The following UGT1A7 variants were observed in gnomAD, a reference collection of about 807,000 sequenced individuals.
The protein encoded by UGT1A7 is UDP-glucuronosyltransferase 1A7.
Under a neutral mutation model 45.6 loss-of-function variants are expected in UGT1A7, and 33 were observed. That is an observed-to-expected ratio of 0.72 (90% CI 0.55 to 0.97). The LOEUF is 0.97. Ranked by LOEUF, UGT1A7 falls within the 50% of genes least tolerant of loss-of-function variation. The pLI is 0.00. For missense variants in UGT1A7, 684 were observed against 666.2 expected (o/e 1.03, Z -0.29); for synonymous variants, 274 against 250.6 (o/e 1.09, Z -0.88).
At position 233,743,563 on chromosome 2, in the gene UGT1A7, C is replaced by T. The variant is rs546286371; in HGVS notation, c.856-23471C>T. 46 of 1,367,298 alleles carry T rather than the reference C, an allele frequency of 3.4e-5. 1 individual carries two copies. Among genetic ancestry groups the T allele is most frequent in the Admixed American group, 5.7e-5 (3 of 52,582 alleles). 84.7% of individuals were successfully genotyped at this position (1,367,298 alleles called of 1,614,324 possible). A position where few individuals can be genotyped will look rare whatever the true frequency, so the allele number is the denominator to read the frequency against. On this transcript the variant is annotated intron_variant, in intron 1 of 4. Transcript: ENST00000373426. The stretch of plus-strand genomic sequence containing the variant: ...CTGACCCCCCCAAAATATTCTCCAG[C>T]GGGTTTCCCAAGAGGTCAAAGGAGA...
intron 1 of UGT1A7, 116 bp from the exon 2 acceptor site, chr2:233,766,918 A>G: frequency 1.3e-6 from 2 of 1,548,282 alleles, no homozygotes; most frequent in Non-Finnish European, 1.7e-6. Flanking sequence ...TCTATCTCAA[A>G]CACGCATGCC....
intron 1 of UGT1A7, among the ~76,000 whole-genome samples, chr2:233,722,564 C>G (rs2077023248): frequency 6.6e-6 from 1 of 152,184 alleles, no homozygotes; most frequent in Non-Finnish European, 1.5e-5. Flanking sequence ...TGATTTGTAG[C>G]TGCTTTTGCA....
intron 1 of UGT1A7, among the ~76,000 whole-genome samples, chr2:233,749,397 T>C (rs756585861): frequency 1.2e-4 from 18 of 151,970 alleles, no homozygotes; most frequent in Admixed American, 2.0e-4. Context: ...TGTGAACATA[T>C]TCTCTAGTGT....
intron 1 of UGT1A7, among the ~76,000 whole-genome samples, chr2:233,751,262 C>A (rs1474286955): frequency 1.3e-5 from 2 of 151,906 alleles, no homozygotes; most frequent in Non-Finnish European, 2.9e-5. Flanking sequence ...GCCTGTAGCC[C>A]CCTTTTTTTG....
At chr2:233,765,900 A>G (rs1255156851) in intron 1 of UGT1A7, among the ~76,000 whole-genome samples, 1 of 152,060 alleles carries the variant, frequency 6.6e-6, no homozygotes, top group Non-Finnish European at 1.5e-5. Flanking sequence ...GCCACTGCTC[A>G]AACCTCTAGG....
chr2:233,743,667 C>G (rs201017854), intron 1 of UGT1A7: 4 of 1,367,108 alleles, frequency 2.9e-6, no homozygotes, highest in African/African-American at 1.5e-5. Context: ...AAGGGGTCCT[C>G]GAAGGGCCTG....
At position 233,760,169 on chromosome 2, in the gene UGT1A7, T is replaced by C. The variant is rs928164877; in HGVS notation, c.856-6865T>C. 1.4e-5 allele frequency: 21 copies of C among 1,529,168 alleles called. No homozygotes were observed. In the African/African-American group the frequency reaches 2.9e-4, roughly 21 times the overall value. 94.7% of individuals were successfully genotyped at this position (1,529,168 alleles called of 1,614,324 possible). A position where few individuals can be genotyped will look rare whatever the true frequency, so the allele number is the denominator to read the frequency against. On this transcript the variant is annotated intron_variant, in intron 1 of 4. Coordinates refer to ENST00000373426, the MANE Select transcript of UGT1A7 (RefSeq NM_019077.3). ...TGAACTCCCTGCTACCTTTGTGGACTGACAGCTTTTTATAGTCACGTGACA... is the reference window on the plus strand; with the variant it reads ...TGAACTCCCTGCTACCTTTGTGGACCGACAGCTTTTTATAGTCACGTGACA...
Position 233,682,428 on chromosome 2 carries a change from C to T in UGT1A7, c.491C>T (p.Pro164Leu), listed in dbSNP as rs2074578708. The T allele has an allele frequency of 1.2e-6, 2 of 1,613,738 alleles. No homozygotes were observed. The highest frequency in any genetic ancestry group is 1.3e-5 in the African/African-American group (1 of 74,866). ...ATTGTTGCCAAATATTTCTCCCTCC[C>T]CTCTGTGGTCTTCGCCAGGGGAATA... Reference protein sequence around the residue: ...GLIVAKYFSLPSVVFARGIFC... With the variant: ...GLIVAKYFSLLSVVFARGIFC... Residue 164 changes from proline to leucine, a missense_variant, in exon 1 of 5, where the codon CCC becomes CTC. Pro to Leu is a moderately conservative substitution (Grantham distance 98, BLOSUM62 -3). Coordinates refer to ENST00000373426, the MANE Select transcript of UGT1A7 (RefSeq NM_019077.3).
At position 233,769,650 on chromosome 2, in the gene UGT1A7, C is replaced by T. The variant is rs895944755; in HGVS notation, c.1295+1211C>T. The T allele has an allele frequency of 1.9e-6, 3 of 1,606,450 alleles. No homozygotes were observed. The South Asian group carries it at 3.3e-5, about 18-fold the overall frequency. The stretch of plus-strand genomic sequence containing the variant: ...ACAACAGGGGAGGACTGATGACTGA[C>T]TTCCCACCTTTGAGGTGCTAATGTG... On this transcript the variant is annotated intron_variant, in intron 4 of 4. Transcript: ENST00000373426. The surrounding 1 kb of genome is among the most constrained non-coding windows in gnomAD (Gnocchi z 4.4).
At chr2:233,725,402 C>T (rs1244153836) in intron 1 of UGT1A7, among the ~76,000 whole-genome samples, 1 of 151,460 alleles carries the variant, frequency 6.6e-6, no homozygotes, top group Non-Finnish European at 1.5e-5. Context: ...CCTTGATGGT[C>T]TAATACAGAA....
intron 3 of UGT1A7, 45 bp downstream of exon 3, chr2:233,767,981 T>G: frequency 6.2e-7 from 1 of 1,614,178 alleles, no homozygotes; most frequent in Non-Finnish European, 8.5e-7. Flanking sequence ...AGGGTCAAAT[T>G]AAGAAAATGG....
chr2:233,731,227 AT>A (rs2078124721), intron 1 of UGT1A7, among the ~76,000 whole-genome samples: 1 of 151,928 alleles, frequency 6.6e-6, no homozygotes, highest in Non-Finnish European at 1.5e-5. Flanking sequence ...ATTTGTAAAA[AT>A]GTTGAAAAGT....
chr2:233,717,706 G>A (rs578061394), intron 1 of UGT1A7: 10 of 451,154 alleles, frequency 2.2e-5, no homozygotes, highest in African/African-American at 4.0e-5. Context: ...GGAGCAGGAC[G>A]AGCCTCATGG....
At chr2:233,746,247 A>C (rs939163155) in intron 1 of UGT1A7, among the ~76,000 whole-genome samples, 2 of 151,776 alleles carry the variant, frequency 1.3e-5, no homozygotes, top group Admixed American at 6.6e-5. Flanking sequence ...AAAAGATACA[A>C]GGCAGAACAG....
intron 1 of UGT1A7, chr2:233,743,354 T>G (rs1575654135): frequency 1.0e-6 from 1 of 972,108 alleles, no homozygotes; most frequent in South Asian, 1.3e-5. Flanking sequence ...GACATGGACT[T>G]GAAGCTGCCT....
intron 1 of UGT1A7, among the ~76,000 whole-genome samples, chr2:233,698,543 T>A (rs182452303): frequency 6.6e-6 from 1 of 152,142 alleles, no homozygotes; most frequent in South Asian, 2.1e-4. Context: ...AGAACACGAG[T>A]GGCCAACAAA....
chr2:233,761,154 G>C, intron 1 of UGT1A7: 3 of 1,614,240 alleles, frequency 1.9e-6, no homozygotes, highest in African/African-American at 2.7e-5. Context: ...TATCCCAGGT[G>C]TGTATTGGAG....
At chr2:233,691,095 C>T in intron 1 of UGT1A7, 1 of 986,058 alleles carries the variant, frequency 1.0e-6, no homozygotes, top group African/African-American at 1.7e-5. Flanking sequence ...ATCTCTTGAT[C>T]CCGCTATTCC....
intron 1 of UGT1A7, among the ~76,000 whole-genome samples, chr2:233,720,925 G>A (rs1022099948): frequency 2.7e-5 from 4 of 149,372 alleles, no homozygotes; most frequent in African/African-American, 9.9e-5. Context: ...TAGCCAGGCT[G>A]GTCTTGAACT....
Sources: allele counts gnomAD v4.1 joint callset (sites outside exome capture counted in the v4.1 genomes callset), GRCh38; gene constraint gnomAD v4.1.1; non-coding constraint Gnocchi (gnomAD v3.1); transcripts MANE v1.5; gene names NCBI Gene and HGNC (gene_info 2026-07-23, HGNC 2026-07-21).